The following ASB2 variants were observed in gnomAD, a reference collection of about 807,000 sequenced individuals.
ASB2 encodes the protein ankyrin repeat and SOCS box containing 2.
A neutral mutation model predicts 62.4 loss-of-function variants in ASB2; 58 were observed. The observed-to-expected ratio is 0.93, with a 90% CI of 0.75 to 1.16. The LOEUF (loss-of-function observed/expected upper bound fraction) is 1.16, where lower values mean the gene tolerates loss of function less well. ASB2 is among the 50% of genes most tolerant of loss of function. The probability of loss-of-function intolerance (pLI) is 0.00; values close to 1 mark genes in which losing one functional copy is unlikely to be tolerated. For synonymous variants in ASB2, 386 were observed against 385.3 expected (o/e 1.00, Z -0.02); for missense variants, 928 against 887.9 (o/e 1.05, Z -0.57).
At chr14:93,962,545 G>A (rs1430063453) in intron 2 of ASB2, among the ~76,000 whole-genome samples, 1 of 152,144 alleles carries the variant, frequency 6.6e-6, no homozygotes, top group Non-Finnish European at 1.5e-5. Context: ...CTCGACCTGG[G>A]AGAAATGGTC....
At chr14:93,975,810 T>C (rs4905124) in intron 1 of ASB2, among the ~76,000 whole-genome samples, 80,027 of 152,102 alleles carry the variant, frequency 0.53, 21,971 homozygotes, top group East Asian at 0.98. Flanking sequence ...TCAAAGGCCA[T>C]GGCCTCCTTA....
chr14:93,939,818 C>T, intron 7 of ASB2, 146 bp from the exon 8 acceptor site: 2 of 591,468 alleles, frequency 3.4e-6, no homozygotes, highest in Non-Finnish European at 5.4e-6. Context: ...CGGCAGGGGG[C>T]GCCGCGGGTC....
intron 6 of ASB2, chr14:93,948,181 C>T (rs1318015330): frequency 1.9e-5 from 3 of 154,366 alleles, no homozygotes; most frequent in Non-Finnish European, 4.4e-5. Context: ...CAGTACTGCT[C>T]TTATCTCCAG....
intron 1 of ASB2, among the ~76,000 whole-genome samples, chr14:93,968,871 G>GAATA (rs1307921125): frequency 6.6e-6 from 1 of 151,960 alleles, no homozygotes; most frequent in African/African-American, 2.4e-5. Flanking sequence ...ATGGACAGGT[G>GAATA]AATGATAGGA....
intron 7 of ASB2, 98 bp downstream of exon 7, chr14:93,947,251 G>A (rs1888759789): frequency 2.2e-6 from 3 of 1,341,346 alleles, no homozygotes; most frequent in Non-Finnish European, 3.1e-6. Flanking sequence ...CCCTAATCCT[G>A]TGGGTGGGAC....
intron 4 of ASB2, 76 bp downstream of exon 4, chr14:93,954,241 C>T: frequency 8.6e-7 from 1 of 1,167,416 alleles, no homozygotes; most frequent in Admixed American, 1.8e-5. Context: ...GGGCAAAGAA[C>T]ATGAAGCCCC....
intron 1 of ASB2, among the ~76,000 whole-genome samples, chr14:93,967,962 T>C (rs1411399674): frequency 6.6e-6 from 1 of 152,202 alleles, no homozygotes; most frequent in East Asian, 1.9e-4. Flanking sequence ...GCTACTTCGC[T>C]ATGCTGTAGA....
intron 3 of ASB2, chr14:93,955,231 T>C: frequency 2.2e-6 from 1 of 450,198 alleles, no homozygotes; most frequent in Non-Finnish European, 4.5e-6. Context: ...GCAGGCCTCA[T>C]TCCCAGGACA....
At chr14:93,974,443 C>A (rs1049192604) in intron 1 of ASB2, among the ~76,000 whole-genome samples, 3 of 152,214 alleles carry the variant, frequency 2.0e-5, no homozygotes, top group African/African-American at 7.2e-5. Context: ...TCCTCTGCAG[C>A]GCAGAAATGG....
At chr14:93,935,752 C>T (rs541689230) in intron 9 of ASB2, among the ~76,000 whole-genome samples, 5 of 152,234 alleles carry the variant, frequency 3.3e-5, no homozygotes, top group Admixed American at 3.3e-4. Context: ...CATTCACACA[C>T]CCATCACTGT....
At chr14:93,935,553 G>A (rs909745108) in intron 9 of ASB2, among the ~76,000 whole-genome samples, 6 of 152,172 alleles carry the variant, frequency 3.9e-5, no homozygotes, top group Admixed American at 1.3e-4. Flanking sequence ...CACAAGAGAC[G>A]GTGCCCTCTG....
At chr14:93,960,611 C>G (rs1889373744) in intron 2 of ASB2, among the ~76,000 whole-genome samples, 1 of 152,334 alleles carries the variant, frequency 6.6e-6, no homozygotes, top group Non-Finnish European at 1.5e-5. Flanking sequence ...ATGGACCCCA[C>G]TTCTCCATGG....
intron 1 of ASB2, among the ~76,000 whole-genome samples, chr14:93,971,292 C>T (rs756417819): frequency 2.7e-4 from 40 of 150,940 alleles, no homozygotes; most frequent in Non-Finnish European, 4.9e-4. Flanking sequence ...ATCTCCACGC[C>T]CTCCCCCGAA....
intron 1 of ASB2, among the ~76,000 whole-genome samples, chr14:93,969,144 A>G (rs1889680392): frequency 6.6e-6 from 1 of 152,200 alleles, no homozygotes. Context: ...TCATGTGTGT[A>G]CAGGCTCAGC....
chr14:93,943,941 A>G (rs1473870029), intron 7 of ASB2: 3 of 455,960 alleles, frequency 6.6e-6, no homozygotes, highest in Non-Finnish European at 1.3e-5. Flanking sequence ...AAAGTGTTAT[A>G]TGTTGGAACT....
intron 7 of ASB2, among the ~76,000 whole-genome samples, chr14:93,943,332 T>G (rs955969592): frequency 1.3e-5 from 2 of 152,210 alleles, no homozygotes; most frequent in African/African-American, 2.4e-5. Context: ...GCTTTGACCC[T>G]TGTCAGTGTT....
At chr14:93,974,047 G>A (rs926795002) in intron 1 of ASB2, 1 of 152,244 alleles carries the variant, frequency 6.6e-6, no homozygotes, top group Non-Finnish European at 1.5e-5. Flanking sequence ...ATCCTCCATA[G>A]CCCCTCCTCA....
At chr14:93,958,747 C>T (rs557364280) in intron 2 of ASB2, among the ~76,000 whole-genome samples, 1 of 152,204 alleles carries the variant, frequency 6.6e-6, no homozygotes, top group Admixed American at 6.5e-5. Context: ...CCAGGCTCAC[C>T]TCAGCTGTCT....
intron 3 of ASB2, among the ~76,000 whole-genome samples, chr14:93,956,164 G>A (rs919057421): frequency 6.6e-6 from 1 of 152,158 alleles, no homozygotes; most frequent in African/African-American, 2.4e-5. Flanking sequence ...GAGAGGGGAG[G>A]GAGGCAGAAT....
Sources: allele counts gnomAD v4.1 joint callset (sites outside exome capture counted in the v4.1 genomes callset), GRCh38; gene constraint gnomAD v4.1.1; transcripts MANE v1.5; gene names NCBI Gene and HGNC (gene_info 2026-07-23, HGNC 2026-07-21).